Variants in NHS observed in about 807,000 individuals in gnomAD.
NHS encodes actin remodeling regulator NHS.
Under a neutral mutation model 72.5 loss-of-function variants are expected in NHS, and 5 were observed. The observed-to-expected ratio is 0.07, with a 90% CI of 0.04 to 0.14. NHS has a LOEUF of 0.14. Ranked by LOEUF, NHS falls within the 10% of genes least tolerant of loss-of-function variation. The probability of loss-of-function intolerance (pLI) is 1.00; values close to 1 mark genes in which losing one functional copy is unlikely to be tolerated. For missense variants in NHS, 1,072 were observed against 1,355.7 expected, an observed-to-expected ratio of 0.79 and a Z score of 3.29; for synonymous variants, 464 against 547.7, an observed-to-expected ratio of 0.85 and a Z score of 2.13.
chrX:17,720,058 G>A (rs376495797), intron 4 of NHS, among the ~76,000 whole-genome samples: 7 of 111,162 alleles, frequency 6.3e-5, no homozygotes, highest in Admixed American at 4.8e-4. Flanking sequence ...TTTTGTTCTC[G>A]AACTTTATTT....
chrX:17,663,680 G>T (rs1439848823), intron 1 of NHS, among the ~76,000 whole-genome samples: 2 of 112,133 alleles, frequency 1.8e-5, no homozygotes, highest in Admixed American at 1.9e-4. Context: ...GAATATTCTT[G>T]TACAAATCTT....
At chrX:17,537,400 A>G (rs1286651311) in intron 1 of NHS, among the ~76,000 whole-genome samples, 3 of 112,708 alleles carry the variant, frequency 2.7e-5, no homozygotes, top group South Asian at 3.6e-4. Flanking sequence ...GAGAAAGCAA[A>G]GTGAATTGGA....
intron 1 of NHS, among the ~76,000 whole-genome samples, chrX:17,470,235 G>C (rs1464782539): frequency 3.6e-5 from 4 of 110,781 alleles, no homozygotes; most frequent in Non-Finnish European, 7.6e-5. Flanking sequence ...CTGAATCCAG[G>C]TGGTATGACT....
intron 1 of NHS, among the ~76,000 whole-genome samples, chrX:17,596,099 T>C (rs2059769990): frequency 8.9e-6 from 1 of 112,175 alleles, no homozygotes; most frequent in Non-Finnish European, 1.9e-5. Context: ...ATCTGGTAGC[T>C]TCAAATCTCA....
At chrX:17,457,328 C>G in intron 1 of NHS, among the ~76,000 whole-genome samples, 1 of 111,793 alleles carries the variant, frequency 8.9e-6, no homozygotes. Flanking sequence ...AGCATAGCAC[C>G]AGCATTTGCT....
chrX:17,639,396 G>A (rs1010384273), intron 1 of NHS, among the ~76,000 whole-genome samples: 4 of 111,456 alleles, frequency 3.6e-5, no homozygotes, highest in African/African-American at 1.3e-4. Context: ...GAAAATAAAT[G>A]TATTACTTAC....
chrX:17,600,124 T>C (rs1305439694), intron 1 of NHS, among the ~76,000 whole-genome samples: 1 of 111,895 alleles, frequency 8.9e-6, no homozygotes, highest in East Asian at 2.8e-4. Flanking sequence ...ATTTTAATAA[T>C]GTAAAGGTAT....
chrX:17,540,501 G>A (rs2146951517), intron 1 of NHS, among the ~76,000 whole-genome samples: 1 of 111,939 alleles, frequency 8.9e-6, no homozygotes, highest in African/African-American at 3.2e-5. Context: ...TACAGCATGT[G>A]ACTTTGTTAT....
intron 1 of NHS, among the ~76,000 whole-genome samples, chrX:17,470,050 G>C (rs759017912): frequency 1.8e-5 from 2 of 111,329 alleles, no homozygotes; most frequent in Admixed American, 1.9e-4. Context: ...ACAGCAGACT[G>C]GGGTGGATTG....
intron 1 of NHS, among the ~76,000 whole-genome samples, chrX:17,580,571 G>A (rs950264105): frequency 4.4e-5 from 5 of 112,404 alleles, no homozygotes; most frequent in African/African-American, 1.3e-4. Context: ...AGTGGGAGGC[G>A]TGGGGAACTG....
At chrX:17,560,189 T>C (rs188427728) in intron 1 of NHS, among the ~76,000 whole-genome samples, 153 of 111,644 alleles carry the variant, frequency 1.4e-3, no homozygotes, top group African/African-American at 4.7e-3. Flanking sequence ...GAGGTTGATA[T>C]CAGAGCCAGC....
At chrX:17,525,638 CTTTTTT>C (rs1162709869) in intron 1 of NHS, among the ~76,000 whole-genome samples, 1 of 53,060 alleles carries the variant, frequency 1.9e-5, no homozygotes, top group African/African-American at 7.6e-5. Flanking sequence ...TCTTTCTTTT[CTTTTTT>C]TTTTTTTTTT....
At chrX:17,615,215 C>CATATATATACACATATATAT (rs1491146951) in intron 1 of NHS, among the ~76,000 whole-genome samples, 1 of 89,156 alleles carries the variant, frequency 1.1e-5, no homozygotes, top group African/African-American at 4.7e-5. Flanking sequence ...TATATATATA[C>CATATATATACACATATATAT]GTATATATAC....
intron 3 of NHS, among the ~76,000 whole-genome samples, chrX:17,697,756 G>C (rs1242010663): frequency 1.8e-5 from 2 of 111,572 alleles, no homozygotes; most frequent in Non-Finnish European, 3.8e-5. Flanking sequence ...CTAAAAATGA[G>C]AGAAGGGAGA....
At chrX:17,507,338 G>T (rs2065063507) in intron 1 of NHS, among the ~76,000 whole-genome samples, 1 of 111,918 alleles carries the variant, frequency 8.9e-6, no homozygotes, top group Non-Finnish European at 1.9e-5. Context: ...GATATTTTCT[G>T]TTGTAACTTG....
rs1226910286 is a variant in NHS at position 17,726,502 on chromosome X, G to A, written c.2396G>A (p.Ser799Asn). The A allele has an allele frequency of 8.3e-7, 1 of 1,212,066 alleles. No individual in the cohort carries two copies. The highest frequency in any genetic ancestry group is 1.1e-6 in the Non-Finnish European group (1 of 895,560). ...GACTGTGGTCTCAAAGGTAATAAGAGCTATGTCTGTCACTATGCAGCCCTG... is the reference window on the plus strand; with the variant it reads ...GACTGTGGTCTCAAAGGTAATAAGAACTATGTCTGTCACTATGCAGCCCTG... Reference protein sequence around the residue: ...HFDCGLKGNKSYVCHYAALGP... With the variant: ...HFDCGLKGNKNYVCHYAALGP... Residue 799 changes from serine (S) to asparagine (N), a missense_variant, in exon 7 of 9, where the codon AGC (serine) becomes AAC (asparagine). By Grantham distance (46) the Ser-to-Asn change is conservative. Transcript: ENST00000676302.
intron 1 of NHS, among the ~76,000 whole-genome samples, chrX:17,421,570 G>GTTTAT (rs1031132624): frequency 2.1e-4 from 23 of 110,549 alleles, no homozygotes; most frequent in African/African-American, 5.6e-4. Flanking sequence ...TGTACTTTTT[G>GTTTAT]TTTATTTTAT....
Position 17,692,468 on chromosome X carries a change from G to A in NHS, c.852G>A (p.Thr284=), listed in dbSNP as rs751851478. 12 of 1,207,906 alleles carry A rather than the reference G, an allele frequency of 9.9e-6. No individual in the cohort carries two copies. The highest frequency in any genetic ancestry group is 3.0e-5 in the East Asian group (1 of 33,664). Reference sequence around the variant, plus strand: ...AGTTTAAGGACCGTCACTTTTTAACGGTAAGTTTGGTGGCCACCTGCAGCC... The same window carrying A: ...AGTTTAAGGACCGTCACTTTTTAACAGTAAGTTTGGTGGCCACCTGCAGCC... The part of the protein sequence containing the change: ...RREFKDRHFL[T]FNSTRSPSPT... Residue 284 remains threonine (T), a splice_region_variant and synonymous_variant, in exon 3 of 9, where the codon ACG becomes ACA. Coordinates refer to ENST00000676302, the MANE Select transcript of NHS (RefSeq NM_001291867.2).
At chrX:17,488,955 C>T (rs937065404) in intron 1 of NHS, among the ~76,000 whole-genome samples, 5 of 110,896 alleles carry the variant, frequency 4.5e-5, no homozygotes, top group East Asian at 5.7e-4. Flanking sequence ...CCACACCCCT[C>T]GACAGGCCCT....
Sources: gnomAD v4.1 joint callset for allele counts (sites outside exome capture counted in the v4.1 genomes callset) on GRCh38, gnomAD v4.1.1 for gene constraint, MANE v1.5 for transcripts, NCBI Gene and HGNC (gene_info 2026-07-23, HGNC 2026-07-21) for gene names.